The following ZMYND11 variants were observed in gnomAD, a reference collection of about 807,000 sequenced individuals.
ZMYND11 encodes the protein zinc finger MYND domain-containing protein 11.
Under a neutral mutation model 84.9 loss-of-function variants are expected in ZMYND11, and 9 were observed. The ratio of observed to expected loss-of-function variants is 0.11; its 90% CI spans 0.06 to 0.18. ZMYND11 has a LOEUF of 0.18. ZMYND11 is among the 10% of genes least tolerant of loss of function. The pLI, the probability that ZMYND11 is intolerant of heterozygous loss-of-function variation, is 1.00. For synonymous variants in ZMYND11, 250 were observed against 244.1 expected, an observed-to-expected ratio of 1.02 and a Z score of -0.23; for missense variants, 409 against 761.0, an observed-to-expected ratio of 0.54 and a Z score of 5.44.
chr10:185,740 G>T (rs1349931341), intron 2 of ZMYND11, among the ~76,000 whole-genome samples: 1 of 150,560 alleles, frequency 6.6e-6, no homozygotes, highest in Non-Finnish European at 1.5e-5. Context: ...ACTTGAACCC[G>T]GGAGGCGGAG....
intron 2 of ZMYND11, among the ~76,000 whole-genome samples, chr10:203,504 G>C (rs1053705878): frequency 6.6e-6 from 1 of 152,020 alleles, no homozygotes; most frequent in Non-Finnish European, 1.5e-5. Flanking sequence ...TCTTAACTTG[G>C]TTATGGAGAT....
Position 206,742 on chromosome 10 carries a change from C to T in ZMYND11, c.117-3147C>T, listed in dbSNP as rs189441813. 3.5e-3 allele frequency among the ~76,000 whole-genome samples: 534 copies of T among 152,252 alleles called. 1 individual carries two copies. The highest frequency in any genetic ancestry group is 0.034 in the Middle Eastern group (10 of 294). On this transcript the variant is annotated intron_variant, in intron 2 of 14. Coordinates refer to ENST00000381604, the MANE Select transcript of ZMYND11 (RefSeq NM_001370100.5). ...CATGTCTGGTTTTGGTCTTCTCATA[C>T]GTACTACGCCTTCTGTTTTTATCAC... is the stretch of plus-strand genomic sequence containing the variant.
chr10:238,546 C>T (rs1176433640), intron 6 of ZMYND11, among the ~76,000 whole-genome samples: 3 of 151,928 alleles, frequency 2.0e-5, no homozygotes, highest in Non-Finnish European at 2.9e-5. Flanking sequence ...TTAGTAGAGA[C>T]GGGGTTTCAC....
chr10:167,995 A>G (rs974792667), intron 1 of ZMYND11, among the ~76,000 whole-genome samples: 2 of 152,152 alleles, frequency 1.3e-5, no homozygotes, highest in Non-Finnish European at 1.5e-5. Flanking sequence ...ACCCCCTGGC[A>G]ACCAACAACT....
intron 6 of ZMYND11, 56 bp from the exon 7 acceptor site, chr10:239,382 A>G: frequency 2.1e-6 from 3 of 1,423,068 alleles, no homozygotes; most frequent in East Asian, 2.3e-5. Context: ...AACTTAGTCC[A>G]GACAAGTATT....
chr10:132,299 TTA>T (rs1299498621), upstream of ZMYND11, among the ~76,000 whole-genome samples: 1 of 148,638 alleles, frequency 6.7e-6, no homozygotes. Flanking sequence ...TATATATATT[TTA>T]TATATATATA....
At chr10:131,458 GC>G (rs1238309605), upstream of ZMYND11, among the ~76,000 whole-genome samples, 6 of 152,298 alleles carry the variant, frequency 3.9e-5, no homozygotes, top group Admixed American at 3.9e-4. Context: ...CTCCTCGGTT[GC>G]TGTGTAGTAA....
rs1393871298 is a variant in ZMYND11 at position 254,476 on chromosome 10, A to G, written c.*2006A>G. ...AAAATTTTCTGCAAATCATAAAGCTATATCGAGGTGTTGAGCTTAGCCACT... is the reference window on the plus strand; with the variant it reads ...AAAATTTTCTGCAAATCATAAAGCTGTATCGAGGTGTTGAGCTTAGCCACT... On this transcript the variant is annotated 3_prime_UTR_variant, in exon 15 of 15. Transcript: ENST00000381604. 3 of 152,676 alleles carry G rather than the reference A, an allele frequency of 2.0e-5. No homozygotes were observed. The highest frequency in any genetic ancestry group is 6.5e-5 in the Admixed American group (1 of 15,284). The allele number at this position is 152,676 out of a possible 1,614,324, so 9.5% of individuals were successfully genotyped here.
intron 10 of ZMYND11, 30 bp downstream of exon 10, chr10:242,169 C>T: frequency 6.2e-7 from 1 of 1,612,484 alleles, no homozygotes; most frequent in Non-Finnish European, 8.5e-7. Context: ...TCAGCGGTCA[C>T]AGCTGTGCTT....
At chr10:212,600 C>CT (rs2131305813) in intron 3 of ZMYND11, among the ~76,000 whole-genome samples, 1 of 151,822 alleles carries the variant, frequency 6.6e-6, no homozygotes, top group Non-Finnish European at 1.5e-5. Context: ...TTCTTAGCCT[C>CT]TGATCCTCAG....
intron 4 of ZMYND11, among the ~76,000 whole-genome samples, chr10:221,716 AAC>A (rs991646985): frequency 2.9e-4 from 44 of 152,324 alleles, no homozygotes; most frequent in African/African-American, 9.4e-4. Context: ...GTATTCAGGA[AAC>A]AGTTAGCAAA....
intron 9 of ZMYND11, 24 bp from the exon 10 acceptor site, chr10:241,993 ATAAC>A (rs778333084): frequency 6.2e-6 from 10 of 1,610,816 alleles, no homozygotes; most frequent in Non-Finnish European, 7.6e-6. Flanking sequence ...TAAAAGTAAT[ATAAC>A]AAGGTAAAAC....
chr10:188,957 G>C (rs1221309120), intron 2 of ZMYND11, among the ~76,000 whole-genome samples: 1 of 152,218 alleles, frequency 6.6e-6, no homozygotes, highest in African/African-American at 2.4e-5. Flanking sequence ...TTTCCTTCCT[G>C]TCTTGGGCAA....
intron 3 of ZMYND11, among the ~76,000 whole-genome samples, chr10:213,283 C>G (rs1945584940): frequency 6.6e-6 from 1 of 152,166 alleles, no homozygotes; most frequent in Admixed American, 6.6e-5. Context: ...GCCACCTTTT[C>G]TAGTTTGCAC....
intron 2 of ZMYND11, among the ~76,000 whole-genome samples, chr10:196,821 G>A (rs894847769): frequency 1.3e-5 from 2 of 152,214 alleles, no homozygotes; most frequent in South Asian, 4.1e-4. Flanking sequence ...GGAGGGAAGA[G>A]AATGTCTGAA....
intron 1 of ZMYND11, among the ~76,000 whole-genome samples, chr10:156,034 A>G (rs1227096299): frequency 2.6e-5 from 4 of 152,162 alleles, no homozygotes; most frequent in Non-Finnish European, 4.4e-5. Context: ...TACAGCAGGG[A>G]TTTTTCAAGT....
intron 1 of ZMYND11, among the ~76,000 whole-genome samples, chr10:139,256 A>G (rs1836898811): frequency 6.6e-6 from 1 of 152,210 alleles, no homozygotes; most frequent in East Asian, 1.9e-4. Flanking sequence ...CACTCTGTCC[A>G]TAACTGCTTC....
Position 240,926 on chromosome 10 carries a change from T to A in ZMYND11, c.787T>A (p.Tyr263Asn). 6.2e-7 allele frequency: 1 copy of A among 1,613,900 alleles called. No individual in the cohort carries two copies. The highest frequency in any genetic ancestry group is 1.3e-5 in the African/African-American group (1 of 75,068). Residue 263 changes from tyrosine (Y) to asparagine (N), a missense_variant, in exon 9 of 15, where the codon TAC (tyrosine) becomes AAC (asparagine). Transcript: ENST00000381604. ...DELQLCKNCF[Y>N]LSNARPDNWF... The stretch of plus-strand genomic sequence containing the variant: ...ACTGCAGCTTTGCAAGAATTGCTTT[T>A]ACTTGTCAAATGCTCGTCCTGACAA...
intron 2 of ZMYND11, among the ~76,000 whole-genome samples, chr10:194,007 T>C (rs1009179581): frequency 6.6e-6 from 1 of 152,082 alleles, no homozygotes; most frequent in Admixed American, 6.6e-5. Context: ...AGTGGGGAGA[T>C]AGGGTCTCAC....
Sources: allele counts gnomAD v4.1 joint callset (sites outside exome capture counted in the v4.1 genomes callset), GRCh38; gene constraint gnomAD v4.1.1; transcripts MANE v1.5; gene names NCBI Gene and HGNC (gene_info 2026-07-23, HGNC 2026-07-21).